The following GALNTL6 variants were observed in gnomAD, a reference collection of about 807,000 sequenced individuals.
The protein encoded by GALNTL6 is polypeptide N-acetylgalactosaminyltransferase-like 6.
A neutral mutation model predicts 73.7 loss-of-function variants in GALNTL6; 46 were observed. The observed-to-expected ratio is 0.62, with a 90% CI of 0.49 to 0.80. GALNTL6 has a LOEUF of 0.80. Among genes scored for constraint, GALNTL6 ranks in the 30% least tolerant of loss-of-function variants. The pLI is 0.00. For missense variants in GALNTL6, 604 were observed against 755.0 expected (o/e 0.80, Z 2.34); for synonymous variants, 259 against 263.7 (o/e 0.98, Z 0.17).
At chr4:172,214,728 T>C (rs1314150990) in intron 2 of GALNTL6, among the ~76,000 whole-genome samples, 1 of 152,144 alleles carries the variant, frequency 6.6e-6, no homozygotes, top group Non-Finnish European at 1.5e-5. Flanking sequence ...TTGGTCAGGC[T>C]GGTCTTGAAC....
chr4:171,835,207 A>G (rs572973254), intron 2 of GALNTL6, among the ~76,000 whole-genome samples: 39 of 152,058 alleles, frequency 2.6e-4, no homozygotes, highest in Non-Finnish European at 4.0e-4. Context: ...AGAAAAGAAT[A>G]TTAATATTCT....
chr4:172,561,081 A>G (rs986189568), intron 5 of GALNTL6, among the ~76,000 whole-genome samples: 25 of 151,370 alleles, frequency 1.7e-4, no homozygotes, highest in South Asian at 6.3e-4. Flanking sequence ...GTGAAACCCC[A>G]TCTCTACTAA....
intron 2 of GALNTL6, among the ~76,000 whole-genome samples, chr4:172,187,506 C>T (rs1481140431): frequency 6.6e-6 from 1 of 151,936 alleles, no homozygotes; most frequent in African/African-American, 2.4e-5. Context: ...AAATACATGC[C>T]AACTATATTT....
chr4:172,123,735 G>A (rs10015447), intron 2 of GALNTL6, among the ~76,000 whole-genome samples: 66,888 of 151,666 alleles, frequency 0.44, 15,353 homozygotes, highest in African/African-American at 0.55. Flanking sequence ...TCTTGACCTC[G>A]TGATCCACCC....
At chr4:172,742,147 T>C (rs1736845593) in intron 5 of GALNTL6, among the ~76,000 whole-genome samples, 1 of 152,024 alleles carries the variant, frequency 6.6e-6, no homozygotes, top group East Asian at 1.9e-4. Flanking sequence ...TTTTGCCCAG[T>C]GTTCAGCTGG....
chr4:172,144,701 T>C (rs1579181692), intron 2 of GALNTL6, among the ~76,000 whole-genome samples: 1 of 152,172 alleles, frequency 6.6e-6, no homozygotes, highest in East Asian at 1.9e-4. Flanking sequence ...CTCTGTACTG[T>C]TGTTTCCCAT....
chr4:171,882,686 G>A (rs576000122), intron 2 of GALNTL6, among the ~76,000 whole-genome samples: 5 of 152,272 alleles, frequency 3.3e-5, no homozygotes, highest in Admixed American at 6.5e-5. Context: ...GATGAAGGTC[G>A]GAAGACTCAG....
intron 2 of GALNTL6, among the ~76,000 whole-genome samples, chr4:172,072,082 T>C (rs1455280362): frequency 1.3e-5 from 2 of 152,146 alleles, no homozygotes; most frequent in African/African-American, 2.4e-5. Flanking sequence ...AGGGGTTTCC[T>C]GGGCAGGTTG....
At chr4:172,683,373 C>A (rs1234720729) in intron 5 of GALNTL6, among the ~76,000 whole-genome samples, 2 of 152,190 alleles carry the variant, frequency 1.3e-5, no homozygotes, top group Non-Finnish European at 2.9e-5. Flanking sequence ...TTTATCATGT[C>A]ATTTTAAGTC....
chr4:172,420,431 C>T (rs1731010231), intron 5 of GALNTL6, among the ~76,000 whole-genome samples: 1 of 152,148 alleles, frequency 6.6e-6, no homozygotes, highest in South Asian at 2.1e-4. Context: ...CATGGTAGTT[C>T]ATGCAGCAGG....
intron 5 of GALNTL6, among the ~76,000 whole-genome samples, chr4:172,543,093 C>A (rs532199573): frequency 5.2e-5 from 1 of 19,164 alleles, no homozygotes; most frequent in Non-Finnish European, 6.9e-4. Flanking sequence ...GAGACTCCAT[C>A]GCAAAAGAAA....
intron 12 of GALNTL6, among the ~76,000 whole-genome samples, chr4:173,037,866 C>A (rs938337203): frequency 2.0e-5 from 3 of 152,114 alleles, no homozygotes; most frequent in Admixed American, 1.3e-4. Flanking sequence ...CCTCCGCCTC[C>A]CACGTAGCTG....
At chr4:173,000,497 A>G (rs1752000446) in intron 10 of GALNTL6, among the ~76,000 whole-genome samples, 1 of 152,240 alleles carries the variant, frequency 6.6e-6, no homozygotes, top group Non-Finnish European at 1.5e-5. Flanking sequence ...TGATCTACAG[A>G]TTAGATGCAA....
chr4:173,029,231 G>A (rs1753357837), intron 12 of GALNTL6, among the ~76,000 whole-genome samples: 1 of 152,172 alleles, frequency 6.6e-6, no homozygotes, highest in South Asian at 2.1e-4. Flanking sequence ...CAGAGGTTGG[G>A]CAGTCACACT....
At chr4:171,853,036 T>TG (rs1735566618) in intron 2 of GALNTL6, among the ~76,000 whole-genome samples, 1 of 143,504 alleles carries the variant, frequency 7.0e-6, no homozygotes. Context: ...TTTTTTTTTT[T>TG]GTATTTTTAG....
chr4:172,522,666 C>T (rs75588570), intron 5 of GALNTL6, among the ~76,000 whole-genome samples: 18 of 11,830 alleles, frequency 1.5e-3, no homozygotes, highest in African/African-American at 3.5e-3. Context: ...GAAACTCAGT[C>T]CCCCCCCCCC....
chr4:172,082,039 G>A (rs541107670), intron 2 of GALNTL6, among the ~76,000 whole-genome samples: 133 of 151,846 alleles, frequency 8.8e-4, no homozygotes, highest in African/African-American at 2.6e-3. Flanking sequence ...AAATTGCCCC[G>A]CTAATTTTCG....
intron 2 of GALNTL6, among the ~76,000 whole-genome samples, chr4:171,951,241 G>C (rs552174087): frequency 6.6e-6 from 1 of 152,108 alleles, no homozygotes; most frequent in East Asian, 1.9e-4. Flanking sequence ...TTAATATTTG[G>C]CAAATAGACA....
At chr4:172,491,231 TA>T (rs1561108975) in intron 5 of GALNTL6, among the ~76,000 whole-genome samples, 1 of 152,158 alleles carries the variant, frequency 6.6e-6, no homozygotes, top group African/African-American at 2.4e-5. Flanking sequence ...TCAAATTAAA[TA>T]ATTAAGAGCT....
Sources: allele counts gnomAD v4.1 joint callset (sites outside exome capture counted in the v4.1 genomes callset), GRCh38; gene constraint gnomAD v4.1.1; transcripts MANE v1.5; gene names NCBI Gene and HGNC (gene_info 2026-07-23, HGNC 2026-07-21).